The following NINJ2 variants were observed in gnomAD, a reference collection of about 807,000 sequenced individuals.
NINJ2 encodes the protein ninjurin-2.
NINJ2 carries 12 observed loss-of-function variants against 11.7 expected under a neutral mutation model. The ratio of observed to expected loss-of-function variants is 1.02; its 90% CI spans 0.66 to 1.66. The LOEUF (loss-of-function observed/expected upper bound fraction) is 1.66. Ranked by LOEUF, NINJ2 falls within the 40% of genes most tolerant of loss-of-function variation. The probability of loss-of-function intolerance (pLI) is 0.00; values close to 1 mark genes in which losing one functional copy is unlikely to be tolerated. For missense variants in NINJ2, 187 were observed against 181.8 expected (o/e 1.03, Z -0.16); for synonymous variants, 93 against 76.8 (o/e 1.21, Z -1.10).
At chr12:617,128 C>T (rs1471248417) in intron 1 of NINJ2, among the ~76,000 whole-genome samples, 1 of 152,174 alleles carries the variant, frequency 6.6e-6, no homozygotes. Context: ...ATCGCTGGAA[C>T]CTGGGAGGCG....
intron 1 of NINJ2, among the ~76,000 whole-genome samples, chr12:626,589 G>A (rs149362383): frequency 6.6e-6 from 1 of 152,274 alleles, no homozygotes; most frequent in East Asian, 1.9e-4. Flanking sequence ...CACTCTAGCT[G>A]AACATAAAAG....
At chr12:590,522 T>C (rs985282883) in intron 1 of NINJ2, 2 of 152,262 alleles carry the variant, frequency 1.3e-5, no homozygotes, top group African/African-American at 4.8e-5. Context: ...GATGAACAAC[T>C]TTCCAGGAAC....
At chr12:572,951 G>A in intron 1 of NINJ2, among the ~76,000 whole-genome samples, 1 of 149,594 alleles carries the variant, frequency 6.7e-6, no homozygotes. Context: ...CCCACTCCAG[G>A]GTTCAAGCAA....
At chr12:578,507 G>A (rs11834775) in intron 1 of NINJ2, among the ~76,000 whole-genome samples, 57,849 of 151,598 alleles carry the variant, frequency 0.38, 11,880 homozygotes, top group African/African-American at 0.51. Flanking sequence ...TTGTAGGAAT[G>A]TGGTCTCGCT....
intron 1 of NINJ2, among the ~76,000 whole-genome samples, chr12:649,205 C>T (rs1404530889): frequency 6.6e-6 from 1 of 152,082 alleles, no homozygotes. Context: ...CGCCACCACA[C>T]TCGGCTAATT....
intron 1 of NINJ2, among the ~76,000 whole-genome samples, chr12:637,063 A>G (rs1948361222): frequency 6.6e-6 from 1 of 152,208 alleles, no homozygotes; most frequent in African/African-American, 2.4e-5. Context: ...AAAGGAAGGA[A>G]ATTCTGGCCA....
At chr12:601,364 G>T in intron 1 of NINJ2, among the ~76,000 whole-genome samples, 1 of 149,976 alleles carries the variant, frequency 6.7e-6, no homozygotes, top group East Asian at 2.0e-4. Flanking sequence ...GGCTAACACA[G>T]TGAAACCCCG....
At chr12:632,787 G>A (rs574290332) in intron 1 of NINJ2, among the ~76,000 whole-genome samples, 19 of 152,240 alleles carry the variant, frequency 1.2e-4, no homozygotes, top group Admixed American at 3.3e-4. Context: ...AAATCCCAGC[G>A]GATCTAAGCT....
At chr12:577,274 A>C (rs888249023) in intron 1 of NINJ2, among the ~76,000 whole-genome samples, 2 of 151,726 alleles carry the variant, frequency 1.3e-5, no homozygotes, top group Non-Finnish European at 2.9e-5. Context: ...AAGTGGGCTG[A>C]GCACGCTGAA....
intron 1 of NINJ2, among the ~76,000 whole-genome samples, chr12:611,891 ATAG>A (rs1948037630): frequency 6.6e-6 from 1 of 152,216 alleles, no homozygotes; most frequent in Non-Finnish European, 1.5e-5. Flanking sequence ...TTCTTGCAGG[ATAG>A]TAGAATATTT....
intron 1 of NINJ2, among the ~76,000 whole-genome samples, chr12:593,677 T>C (rs778107002): frequency 6.6e-6 from 1 of 151,872 alleles, no homozygotes; most frequent in Non-Finnish European, 1.5e-5. Context: ...AGTGTGCCAC[T>C]GCCTCCAGCC....
chr12:658,547 A>G (rs1240176548), intron 1 of NINJ2, among the ~76,000 whole-genome samples: 1 of 152,216 alleles, frequency 6.6e-6, no homozygotes, highest in East Asian at 1.9e-4. Flanking sequence ...CACTCTGGAA[A>G]AGGCAAAACA....
At chr12:639,583 CCTAT>C (rs1421444897) in intron 1 of NINJ2, among the ~76,000 whole-genome samples, 1 of 152,206 alleles carries the variant, frequency 6.6e-6, no homozygotes, top group Non-Finnish European at 1.5e-5. Context: ...GCCACCCTAA[CCTAT>C]GGCTCCGTTT....
intron 1 of NINJ2, among the ~76,000 whole-genome samples, chr12:609,953 A>G (rs1191937009): frequency 6.6e-6 from 1 of 151,270 alleles, no homozygotes; most frequent in Non-Finnish European, 1.5e-5. Context: ...TTAAAAAAAA[A>G]AAAAAAAAAA....
intron 1 of NINJ2, among the ~76,000 whole-genome samples, chr12:601,759 G>C (rs983883915): frequency 6.6e-6 from 1 of 152,022 alleles, no homozygotes; most frequent in East Asian, 1.9e-4. Flanking sequence ...CCAGCTACTC[G>C]GGAGGCTGAG....
chr12:608,823 G>A (rs543160563), intron 1 of NINJ2, among the ~76,000 whole-genome samples: 1 of 152,374 alleles, frequency 6.6e-6, no homozygotes, highest in South Asian at 2.1e-4. Context: ...GATGCTGACT[G>A]AATGCAGAGC....
chr12:565,975 G>C lies in NINJ2; in HGVS notation c.237C>G (p.Val79=). Residue 79 remains valine, a synonymous_variant, in exon 2 of 4, where the codon GTC becomes GTG. Coordinates refer to ENST00000305108, the MANE Select transcript of NINJ2 (RefSeq NM_016533.6). ...CAATGACCACGAGCAGGACACCGAT[G>C]ACCACCTGCAGGAGCAGAGAGAGGC... ...LISLSLLLQV[V]IGVLLVVIAR... 6.2e-7 allele frequency: 1 copy of C among 1,614,250 alleles called. No individual in the cohort carries two copies. Among genetic ancestry groups the C allele is most frequent in the Non-Finnish European group, 8.5e-7 (1 of 1,180,038 alleles).
chr12:625,871 T>C (rs1252372486), intron 1 of NINJ2, among the ~76,000 whole-genome samples: 2 of 152,240 alleles, frequency 1.3e-5, no homozygotes, highest in African/African-American at 4.8e-5. Context: ...TGACTCATCT[T>C]GTAGATACGT....
intron 1 of NINJ2, among the ~76,000 whole-genome samples, chr12:656,362 AAAAATAAAAT>A (rs146052060): frequency 4.6e-5 from 7 of 151,108 alleles, no homozygotes; most frequent in South Asian, 2.1e-4. Context: ...GACTCTGTCT[AAAAATAAAAT>A]AAAATAAAAT....
Sources: allele counts gnomAD v4.1 joint callset (sites outside exome capture counted in the v4.1 genomes callset), GRCh38; gene constraint gnomAD v4.1.1; transcripts MANE v1.5; gene names NCBI Gene and HGNC (gene_info 2026-07-23, HGNC 2026-07-21).